Variants in CFAP20DC observed in about 807,000 individuals in gnomAD.
CFAP20DC encodes protein CFAP20DC.
A neutral mutation model predicts 101.7 loss-of-function variants in CFAP20DC; 84 were observed. That is an observed-to-expected ratio of 0.83 (90% CI 0.69 to 0.99). The LOEUF (loss-of-function observed/expected upper bound fraction) is 0.99, where lower values mean the gene tolerates loss of function less well. CFAP20DC is among the 50% of genes least tolerant of loss of function. The pLI is 0.00. For missense variants in CFAP20DC, 1,007 were observed against 970.3 expected, an observed-to-expected ratio of 1.04 and a Z score of -0.50; for synonymous variants, 359 against 351.2, an observed-to-expected ratio of 1.02 and a Z score of -0.25.
At chr3:58,928,218 G>A (rs1353786783) in intron 5 of CFAP20DC, among the ~76,000 whole-genome samples, 1 of 152,184 alleles carries the variant, frequency 6.6e-6, no homozygotes, top group Non-Finnish European at 1.5e-5. Flanking sequence ...GGGGAAAACA[G>A]ACAAGTAAAT....
chr3:58,873,430 A>T (rs1363923512), intron 7 of CFAP20DC, among the ~76,000 whole-genome samples: 1 of 150,924 alleles, frequency 6.6e-6, no homozygotes, highest in Non-Finnish European at 1.5e-5. Context: ...AGAAGTCTGG[A>T]TAGCCATTCT....
chr3:58,777,987 A>AG (rs747016150), intron 15 of CFAP20DC, among the ~76,000 whole-genome samples: 7 of 152,334 alleles, frequency 4.6e-5, no homozygotes, highest in Non-Finnish European at 8.8e-5. Flanking sequence ...TGGAAGCCAC[A>AG]GGTAGTAATC....
At chr3:58,968,052 T>C (rs1350145060) in intron 4 of CFAP20DC, among the ~76,000 whole-genome samples, 7 of 152,262 alleles carry the variant, frequency 4.6e-5, no homozygotes, top group Non-Finnish European at 1.0e-4. Flanking sequence ...TGTTCTTTTT[T>C]ATGGCTGCAT....
intron 14 of CFAP20DC, among the ~76,000 whole-genome samples, chr3:58,817,969 G>C (rs1440633219): frequency 2.7e-5 from 4 of 150,540 alleles, no homozygotes; most frequent in Admixed American, 1.3e-4. Context: ...AGCCAGAAGA[G>C]AGTGGGAGCC....
At chr3:58,944,881 T>A (rs2089135622) in intron 4 of CFAP20DC, among the ~76,000 whole-genome samples, 1 of 152,174 alleles carries the variant, frequency 6.6e-6, no homozygotes, top group Admixed American at 6.5e-5. Flanking sequence ...CTGAAATGTG[T>A]TAATTCGTGT....
chr3:58,913,711 C>G lies in CFAP20DC; in HGVS notation c.547G>C (p.Asp183His). ...CTTGATAGCAACCTGAACATACCAT[C>G]CTTATCAGCAGTGTCTTGTGGCTTT... Reference protein sequence around the residue: ...KSKPQDTADKDAVYGVPFSTD... With the variant: ...KSKPQDTADKHAVYGVPFSTD... Residue 183 changes from aspartate to histidine, a missense_variant, in exon 6 of 17, where the codon GAT (aspartate) becomes CAT (histidine). Asp to His is a moderately conservative substitution (Grantham distance 81). Coordinates refer to ENST00000482387, the MANE Select transcript of CFAP20DC (RefSeq NM_001394063.1). This position sits in a 1 kb window ranked among gnomAD's most constrained non-coding sequence, Gnocchi z 4.4. 2 of 1,613,572 alleles carry G rather than the reference C, an allele frequency of 1.2e-6. No individual in the cohort carries two copies. Among genetic ancestry groups the G allele is most frequent in the Non-Finnish European group, 1.7e-6 (2 of 1,179,686 alleles).
chr3:58,775,803 TG>T (rs1478495629), intron 15 of CFAP20DC, among the ~76,000 whole-genome samples: 1 of 150,608 alleles, frequency 6.6e-6, no homozygotes, highest in African/African-American at 2.5e-5. Flanking sequence ...TGGAGTGCAG[TG>T]GCGTGATCTC....
intron 4 of CFAP20DC, among the ~76,000 whole-genome samples, chr3:59,033,449 T>C (rs751630545): frequency 2.7e-4 from 41 of 152,110 alleles, no homozygotes; most frequent in Middle Eastern, 3.4e-3. Context: ...GCTAAGAACC[T>C]TGAAAAAAGG....
At chr3:58,815,601 C>T (rs969228797) in intron 14 of CFAP20DC, among the ~76,000 whole-genome samples, 1 of 151,518 alleles carries the variant, frequency 6.6e-6, no homozygotes, top group African/African-American at 2.4e-5. Context: ...ATTTTCACAA[C>T]CTGCTCATCT....
chr3:58,773,560 A>G (rs952195711), intron 15 of CFAP20DC, among the ~76,000 whole-genome samples: 6 of 152,264 alleles, frequency 3.9e-5, no homozygotes, highest in Admixed American at 2.0e-4. Flanking sequence ...GGTCTCAAAA[A>G]TAAATAAATT....
At chr3:58,966,128 A>C (rs1344502004) in intron 4 of CFAP20DC, among the ~76,000 whole-genome samples, 1 of 152,168 alleles carries the variant, frequency 6.6e-6, no homozygotes, top group African/African-American at 2.4e-5. Flanking sequence ...TCCCTTCCTA[A>C]ATGTGCTCAT....
At chr3:58,856,313 C>CACAT (rs1404190760) in intron 12 of CFAP20DC, among the ~76,000 whole-genome samples, 4 of 131,520 alleles carry the variant, frequency 3.0e-5, no homozygotes, top group Non-Finnish European at 6.3e-5. Context: ...CACACACACA[C>CACAT]ATAACTGATG....
At chr3:59,020,685 T>G (rs572053351) in intron 4 of CFAP20DC, among the ~76,000 whole-genome samples, 1 of 152,170 alleles carries the variant, frequency 6.6e-6, no homozygotes, top group South Asian at 2.1e-4. Context: ...GGCCAATGAA[T>G]GCAAGTAGAA....
chr3:58,935,750 T>C (rs1230811955), intron 5 of CFAP20DC, among the ~76,000 whole-genome samples: 1 of 152,194 alleles, frequency 6.6e-6, no homozygotes, highest in African/African-American at 2.4e-5. Context: ...ATCCCTTCCT[T>C]ACATCTTATA....
intron 13 of CFAP20DC, among the ~76,000 whole-genome samples, chr3:58,836,453 T>C (rs773636947): frequency 2.6e-5 from 4 of 152,156 alleles, no homozygotes; most frequent in Non-Finnish European, 4.4e-5. Context: ...GAGCCTCAGA[T>C]AGGAACCAGT....
intron 4 of CFAP20DC, among the ~76,000 whole-genome samples, chr3:58,952,452 C>G (rs894716411): frequency 6.6e-6 from 1 of 152,126 alleles, no homozygotes; most frequent in Non-Finnish European, 1.5e-5. Context: ...GATTGACTGT[C>G]ACCGTATTGC....
intron 4 of CFAP20DC, among the ~76,000 whole-genome samples, chr3:58,941,693 C>A (rs1296887601): frequency 1.3e-5 from 2 of 151,922 alleles, no homozygotes; most frequent in African/African-American, 4.8e-5. Flanking sequence ...CTCAGCCTCC[C>A]GAGTAGCTGG....
intron 4 of CFAP20DC, among the ~76,000 whole-genome samples, chr3:59,012,637 C>T (rs1036750860): frequency 1.3e-5 from 2 of 152,166 alleles, no homozygotes; most frequent in Admixed American, 6.6e-5. Flanking sequence ...ATCAGATTTG[C>T]ATTTTAGACA....
In CFAP20DC at chr3:58,811,508, A is replaced by C. The variant is rs1018408834; in HGVS notation, c.2176-5052T>G. ...GGGAAAACTGGCTAGCCATATGTAG[A>C]AAGTTGAAACTGGATTCCTTCCTTA... On this transcript the variant is annotated intron_variant, in intron 14 of 16. Coordinates refer to ENST00000482387, the MANE Select transcript of CFAP20DC (RefSeq NM_001394063.1). 2.0e-4 allele frequency among the ~76,000 whole-genome samples: 30 copies of C among 152,168 alleles called. 1 individual carries two copies. The highest frequency in any genetic ancestry group is 4.4e-5 in the Non-Finnish European group (3 of 68,042).
Sources: allele counts gnomAD v4.1 joint callset (sites outside exome capture counted in the v4.1 genomes callset), GRCh38; gene constraint gnomAD v4.1.1; non-coding constraint Gnocchi (gnomAD v3.1); transcripts MANE v1.5; gene names NCBI Gene and HGNC (gene_info 2026-07-23, HGNC 2026-07-21).